CAB39: variants seen among roughly 807,000 people sequenced by gnomAD.
CAB39 encodes calcium-binding protein 39.
In CAB39, 8 loss-of-function variants were observed where a neutral mutation model predicts 40.0. That is an observed-to-expected ratio of 0.20 (90% CI 0.12 to 0.36). The LOEUF is 0.36. Ranked by LOEUF, CAB39 falls within the 10% of genes least tolerant of loss-of-function variation. CAB39 has a pLI of 1.00. For missense variants in CAB39, 270 were observed against 401.1 expected (o/e 0.67, Z 2.79); for synonymous variants, 156 against 141.6 (o/e 1.10, Z -0.72).
intron 1 of CAB39, among the ~76,000 whole-genome samples, chr2:230,735,745 G>A (rs898576485): frequency 1.1e-4 from 16 of 150,834 alleles, no homozygotes; most frequent in African/African-American, 2.4e-4. Context: ...GAACTCCTGT[G>A]CTTAACCAGT....
At chr2:230,741,555 G>A (rs1196034877) in intron 1 of CAB39, among the ~76,000 whole-genome samples, 2 of 151,998 alleles carry the variant, frequency 1.3e-5, no homozygotes, top group Non-Finnish European at 2.9e-5. Context: ...TGCCTAGGCT[G>A]GTCTCTAATT....
At chr2:230,728,382 C>G (rs1467520860) in intron 1 of CAB39, among the ~76,000 whole-genome samples, 1 of 150,636 alleles carries the variant, frequency 6.6e-6, no homozygotes, top group East Asian at 1.9e-4. Context: ...TTTTTTCCTG[C>G]TCACTGCAAC....
At chr2:230,814,282 T>C (rs1696360536) in intron 7 of CAB39, among the ~76,000 whole-genome samples, 168 bp downstream of exon 7, 2 of 152,090 alleles carry the variant, frequency 1.3e-5, no homozygotes, top group Non-Finnish European at 2.9e-5. Flanking sequence ...CAGTGATCCA[T>C]GTGGAGCACT....
intron 5 of CAB39, among the ~76,000 whole-genome samples, chr2:230,805,052 GA>G (rs1696165838): frequency 6.7e-6 from 1 of 150,000 alleles, no homozygotes; most frequent in South Asian, 2.1e-4. Flanking sequence ...ATACACCATG[GA>G]ATACTATGCA....
intron 4 of CAB39, among the ~76,000 whole-genome samples, chr2:230,795,560 G>A (rs1489717893): frequency 6.6e-6 from 1 of 152,084 alleles, no homozygotes; most frequent in Admixed American, 6.5e-5. Context: ...GGTGCTGTGT[G>A]CTTCATATTG....
chr2:230,727,579 T>TA (rs1284330525), intron 1 of CAB39, among the ~76,000 whole-genome samples: 1 of 151,914 alleles, frequency 6.6e-6, no homozygotes, highest in Non-Finnish European at 1.5e-5. Flanking sequence ...CATACCCAGC[T>TA]AATTTTTTTG....
chr2:230,756,261 C>G (rs1027985143), intron 1 of CAB39, among the ~76,000 whole-genome samples: 1 of 152,202 alleles, frequency 6.6e-6, no homozygotes, highest in African/African-American at 2.4e-5. Context: ...TAGTCAACTA[C>G]ATAGTAATCT....
At chr2:230,806,389 A>C (rs546203863) in intron 5 of CAB39, among the ~76,000 whole-genome samples, 1 of 152,158 alleles carries the variant, frequency 6.6e-6, no homozygotes, top group Non-Finnish European at 1.5e-5. Flanking sequence ...ACCACGTAGT[A>C]TGTAACCTAA....
chr2:230,795,754 T>C lies in CAB39; in HGVS notation c.398+2423T>C, dbSNP rs916335845. ...TCCTGATTCTGTTATTTCTTCTTCATATAATTAAATTGTTTCTATAAAGAA... is the reference window on the plus strand; with the variant it reads ...TCCTGATTCTGTTATTTCTTCTTCACATAATTAAATTGTTTCTATAAAGAA... On this transcript the variant is annotated intron_variant, in intron 4 of 8. Transcript: ENST00000258418. Among the ~76,000 whole-genome samples the C allele has an allele frequency of 2.6e-5, 4 of 152,208 alleles. 1 individual carries two copies. Among genetic ancestry groups the C allele is most frequent in the Admixed American group, 6.5e-5 (1 of 15,278 alleles).
At chr2:230,795,760 T>G (rs1695975721) in intron 4 of CAB39, among the ~76,000 whole-genome samples, 1 of 152,218 alleles carries the variant, frequency 6.6e-6, no homozygotes, top group Non-Finnish European at 1.5e-5. Context: ...TTCATATAAT[T>G]AAATTGTTTC....
At chr2:230,741,700 A>G (rs972534824) in intron 1 of CAB39, among the ~76,000 whole-genome samples, 3 of 152,230 alleles carry the variant, frequency 2.0e-5, no homozygotes, top group Admixed American at 6.5e-5. Flanking sequence ...GTATACATTC[A>G]GTTTTTAAAA....
intron 1 of CAB39, among the ~76,000 whole-genome samples, chr2:230,728,008 G>A (rs1694617364): frequency 6.6e-6 from 1 of 152,166 alleles, no homozygotes; most frequent in African/African-American, 2.4e-5. Context: ...GGAGGCCGAG[G>A]CAGGAAGATC....
At chr2:230,727,963 G>A (rs1694616420) in intron 1 of CAB39, among the ~76,000 whole-genome samples, 1 of 152,192 alleles carries the variant, frequency 6.6e-6, no homozygotes, top group African/African-American at 2.4e-5. Flanking sequence ...CCCAGGCCAG[G>A]TGTGGTGGCT....
At chr2:230,808,246 C>T (rs2124977959) in intron 5 of CAB39, among the ~76,000 whole-genome samples, 1 of 152,118 alleles carries the variant, frequency 6.6e-6, no homozygotes, top group South Asian at 2.1e-4. Flanking sequence ...ATCACCACAC[C>T]CAGCTAGGTT....
chr2:230,798,607 G>A (rs1430425725), intron 4 of CAB39, 122 bp from the exon 5 acceptor site: 3 of 720,666 alleles, frequency 4.2e-6, no homozygotes, highest in African/African-American at 1.8e-5. Flanking sequence ...ATCTGCGATG[G>A]TCATTTAGTT....
At chr2:230,714,641 T>C (rs1229728504) in intron 1 of CAB39, among the ~76,000 whole-genome samples, 3 of 152,250 alleles carry the variant, frequency 2.0e-5, no homozygotes, top group African/African-American at 7.2e-5. Context: ...AAATTGATGA[T>C]TTTTAAAAAA....
chr2:230,721,098 T>G (rs1694444393), intron 1 of CAB39, among the ~76,000 whole-genome samples: 2 of 152,170 alleles, frequency 1.3e-5, no homozygotes, highest in Non-Finnish European at 2.9e-5. Context: ...AATACGTTCT[T>G]TCTATAAATA....
At chr2:230,719,820 C>T (rs564544794) in intron 1 of CAB39, among the ~76,000 whole-genome samples, 85 of 152,302 alleles carry the variant, frequency 5.6e-4, no homozygotes, top group African/African-American at 2.0e-3. Context: ...ATGTAGGCTT[C>T]TGACTTGCCT....
At position 230,817,799 on chromosome 2, in the gene CAB39, A is replaced by G. The variant is rs896653695; in HGVS notation, c.739A>G (p.Thr247Ala). The change falls in exon 8 of 9, where the codon ACA becomes GCA. Residue 247 changes from threonine to alanine, a missense_variant. Transcript: ENST00000258418. ...LLDRHNFTIMTKYISKPENLK... is the reference protein window; with the variant it reads ...LLDRHNFTIMAKYISKPENLK... Reference sequence around the variant, plus strand: ...AGATAGACACAACTTCACAATTATGACAAAATACATCAGTAAACCTGAGAA... The same window carrying G: ...AGATAGACACAACTTCACAATTATGGCAAAATACATCAGTAAACCTGAGAA... 2 of 1,612,180 alleles carry G rather than the reference A, an allele frequency of 1.2e-6. No homozygotes were observed. Among genetic ancestry groups the G allele is most frequent in the East Asian group, 2.2e-5 (1 of 44,864 alleles).
Sources: allele counts gnomAD v4.1 joint callset (sites outside exome capture counted in the v4.1 genomes callset), GRCh38; gene constraint gnomAD v4.1.1; transcripts MANE v1.5; gene names NCBI Gene and HGNC (gene_info 2026-07-23, HGNC 2026-07-21).